Variants in EYS observed in about 807,000 individuals in gnomAD.
EYS encodes protein eyes shut homolog.
A neutral mutation model predicts 282.1 loss-of-function variants in EYS; 250 were observed. The ratio of observed to expected loss-of-function variants is 0.89; its 90% CI spans 0.80 to 0.98. The LOEUF (loss-of-function observed/expected upper bound fraction) is 0.98, where lower values mean the gene tolerates loss of function less well. Among genes scored for constraint, EYS ranks in the 50% least tolerant of loss-of-function variants. The pLI, the probability that EYS is intolerant of heterozygous loss-of-function variation, is 0.00. For synonymous variants in EYS, 1,355 were observed against 1,282.9 expected, an observed-to-expected ratio of 1.06 and a Z score of -1.20; for missense variants, 4,016 against 3,709.0, an observed-to-expected ratio of 1.08 and a Z score of -2.15.
chr6:65,340,961 G>A (rs999833395), intron 10 of EYS, among the ~76,000 whole-genome samples: 2 of 151,010 alleles, frequency 1.3e-5, no homozygotes, highest in Non-Finnish European at 3.0e-5. Context: ...ACAGTATCAA[G>A]TCTAAACTCC....
At chr6:64,812,855 C>G (rs184422789) in intron 22 of EYS, among the ~76,000 whole-genome samples, 4 of 151,664 alleles carry the variant, frequency 2.6e-5, no homozygotes, top group Admixed American at 2.6e-4. Context: ...TCAGAAATAA[C>G]AAAGGAAAAA....
At chr6:65,307,285 A>G (rs1461986493) in intron 11 of EYS, among the ~76,000 whole-genome samples, 206 of 149,940 alleles carry the variant, frequency 1.4e-3, no homozygotes, top group African/African-American at 4.5e-3. Context: ...ATCTCTGTCT[A>G]TTAAATTCAG....
intron 5 of EYS, among the ~76,000 whole-genome samples, chr6:65,469,098 C>A: frequency 6.6e-6 from 1 of 152,016 alleles, no homozygotes; most frequent in African/African-American, 2.4e-5. Context: ...CAATATTTTT[C>A]AGTATAAGTA....
chr6:64,985,716 A>C (rs1342316908), intron 14 of EYS, among the ~76,000 whole-genome samples: 1 of 151,590 alleles, frequency 6.6e-6, no homozygotes, highest in African/African-American at 2.4e-5. Flanking sequence ...TTCTTTTACT[A>C]TAAATATGTC....
intron 29 of EYS, among the ~76,000 whole-genome samples, chr6:64,375,673 C>G (rs961734801): frequency 1.3e-5 from 2 of 152,154 alleles, no homozygotes; most frequent in Non-Finnish European, 2.9e-5. Flanking sequence ...AGAGGGAATT[C>G]TGGCCAATGG....
At chr6:64,975,256 C>T (rs1009327951) in intron 14 of EYS, among the ~76,000 whole-genome samples, 9 of 151,436 alleles carry the variant, frequency 5.9e-5, no homozygotes, top group East Asian at 5.8e-4. Context: ...TGACAACACC[C>T]GCCTGTATTA....
At chr6:64,800,074 G>GTTTTC (rs1774490921) in intron 22 of EYS, among the ~76,000 whole-genome samples, 1 of 151,956 alleles carries the variant, frequency 6.6e-6, no homozygotes, top group Non-Finnish European at 1.5e-5. Context: ...GAGAAGCTTA[G>GTTTTC]AAAACTTTTA....
At chr6:65,206,864 G>A (rs1378238905) in intron 12 of EYS, among the ~76,000 whole-genome samples, 1 of 151,666 alleles carries the variant, frequency 6.6e-6, no homozygotes, top group East Asian at 1.9e-4. Flanking sequence ...AGCAATTGAA[G>A]GAAAATACAT....
chr6:65,409,043 A>G (rs533247787), intron 5 of EYS, among the ~76,000 whole-genome samples: 2 of 152,152 alleles, frequency 1.3e-5, no homozygotes, highest in Non-Finnish European at 2.9e-5. Flanking sequence ...GTTAATTTCT[A>G]ATTAGTTTTG....
intron 26 of EYS, among the ~76,000 whole-genome samples, chr6:64,490,755 C>T (rs548118770): frequency 6.6e-6 from 1 of 150,772 alleles, no homozygotes; most frequent in East Asian, 1.9e-4. Context: ...ATATTAATGA[C>T]TAAAATGTTG....
At chr6:64,507,915 T>C (rs1303924078) in intron 26 of EYS, among the ~76,000 whole-genome samples, 1 of 152,200 alleles carries the variant, frequency 6.6e-6, no homozygotes, top group Admixed American at 6.5e-5. Context: ...AGTACACTTT[T>C]TAAGTAAAGT....
At chr6:64,317,323 A>AACTT (rs1413589951) in intron 29 of EYS, among the ~76,000 whole-genome samples, 6 of 150,960 alleles carry the variant, frequency 4.0e-5, no homozygotes, top group African/African-American at 1.2e-4. Context: ...ATCTACAAAG[A>AACTT]ACTTAAATTT....
chr6:64,598,305 A>G (rs1766652289), intron 24 of EYS, among the ~76,000 whole-genome samples: 1 of 152,118 alleles, frequency 6.6e-6, no homozygotes, highest in African/African-American at 2.4e-5. Flanking sequence ...CTAAAAATAC[A>G]AAAAAATTAG....
chr6:65,067,654 T>TA (rs1379429861), intron 12 of EYS, among the ~76,000 whole-genome samples: 3 of 151,996 alleles, frequency 2.0e-5, no homozygotes, highest in Non-Finnish European at 2.9e-5. Flanking sequence ...AAGAGACACC[T>TA]AAAAAATAGA....
intron 22 of EYS, among the ~76,000 whole-genome samples, chr6:64,646,126 G>A (rs1768340900): frequency 6.6e-6 from 1 of 152,130 alleles, no homozygotes; most frequent in South Asian, 2.1e-4. Context: ...TCAGAAAAAA[G>A]AGAATCAAGA....
intron 31 of EYS, among the ~76,000 whole-genome samples, chr6:64,186,017 A>C (rs1764928028): frequency 6.6e-6 from 1 of 152,134 alleles, no homozygotes; most frequent in African/African-American, 2.4e-5. Context: ...TCAGGCTAAA[A>C]TACTCACATA....
intron 12 of EYS, among the ~76,000 whole-genome samples, chr6:65,276,358 C>A (rs1470520271): frequency 6.6e-6 from 1 of 151,924 alleles, no homozygotes; most frequent in East Asian, 1.9e-4. Context: ...AAACCTTATG[C>A]TCTGCTAACC....
chr6:65,035,833 T>C (rs1427732134), intron 13 of EYS, among the ~76,000 whole-genome samples: 2 of 150,688 alleles, frequency 1.3e-5, no homozygotes, highest in Non-Finnish European at 3.0e-5. Context: ...TCCAGGCTCT[T>C]TTCTGGTTCC....
intron 31 of EYS, among the ~76,000 whole-genome samples, chr6:64,117,026 A>G (rs1044291683): frequency 2.0e-5 from 3 of 152,254 alleles, no homozygotes; most frequent in Admixed American, 6.5e-5. Flanking sequence ...CAGAAAATCA[A>G]TAAGGAAAAG....
Sources: gnomAD v4.1 joint callset for allele counts (sites outside exome capture counted in the v4.1 genomes callset) on GRCh38, gnomAD v4.1.1 for gene constraint, MANE v1.5 for transcripts, NCBI Gene and HGNC (gene_info 2026-07-23, HGNC 2026-07-21) for gene names.